Variants in KIF21B observed in about 807,000 individuals in gnomAD.
KIF21B encodes the protein kinesin-like protein KIF21B.
Under a neutral mutation model 192.9 loss-of-function variants are expected in KIF21B, and 85 were observed. The ratio of observed to expected loss-of-function variants is 0.44; its 90% CI spans 0.37 to 0.53. The LOEUF (loss-of-function observed/expected upper bound fraction) is 0.53, where lower values mean the gene tolerates loss of function less well. Ranked by LOEUF, KIF21B falls within the 20% of genes least tolerant of loss-of-function variation. KIF21B has a pLI of 0.00. For synonymous variants in KIF21B, 832 were observed against 884.6 expected (o/e 0.94, Z 1.05); for missense variants, 1,716 against 2,194.8 (o/e 0.78, Z 4.36).
rs200544550 is a variant in KIF21B at position 200,999,872 on chromosome 1, G to C, written c.1767+11C>G. 10 of 1,613,018 alleles carry C rather than the reference G, an allele frequency of 6.2e-6. No individual in the cohort carries two copies. The highest frequency in any genetic ancestry group is 4.2e-6 in the Non-Finnish European group (5 of 1,179,880). On this transcript the variant is annotated intron_variant, in intron 12 of 34. Coordinates refer to ENST00000461742, the MANE Select transcript of KIF21B (RefSeq NM_001252102.2). This position sits in a 1 kb window ranked among gnomAD's most constrained non-coding sequence, Gnocchi z 4.7. Reference sequence around the variant, plus strand: ...TGCATGTGGTGAGGTGGGGCGGCCCGTGCTCCTCACCTCCTCCGCCTCGTT... The same window carrying C: ...TGCATGTGGTGAGGTGGGGCGGCCCCTGCTCCTCACCTCCTCCGCCTCGTT...
chr1:201,022,590 T>G (rs1413100265), intron 1 of KIF21B, among the ~76,000 whole-genome samples: 1 of 152,212 alleles, frequency 6.6e-6, no homozygotes, highest in Non-Finnish European at 1.5e-5. Context: ...CCCTGTCTCA[T>G]TTCTGCCGGC....
rs372826315 is a variant in KIF21B at position 200,973,399 on chromosome 1, G to A, written c.*122C>T. The A allele has an allele frequency of 5.9e-5, 74 of 1,247,010 alleles. No homozygotes were observed. The African/African-American group carries it at 1.1e-3, about 19-fold the overall frequency. The allele number at this position is 1,247,010 out of a possible 1,614,324, so 77.2% of individuals were successfully genotyped here. A position where few individuals can be genotyped will look rare whatever the true frequency, so the allele number is the denominator to read the frequency against. On this transcript the variant is annotated 3_prime_UTR_variant, in exon 35 of 35. Coordinates refer to ENST00000461742, the MANE Select transcript of KIF21B (RefSeq NM_001252102.2). Reference sequence around the variant, plus strand: ...GGCCAAGGGAGAGGGAGGAGGGCAGGAGAGGGGGCCACGCCCTCTGTCCCC... The same window carrying A: ...GGCCAAGGGAGAGGGAGGAGGGCAGAAGAGGGGGCCACGCCCTCTGTCCCC...
chr1:201,005,630 C>A lies in KIF21B; in HGVS notation c.512G>T (p.Arg171Met). ...STRDPDTRHR[R>M]SNIKIHEDAN... is the part of the protein sequence containing the mutation. The stretch of plus-strand genomic sequence containing the variant: ...GTCCTCGTGGATCTTGATGTTGGAC[C>A]TGCGGTGGCGGGTGTCAGGGTCACG... The change falls in exon 4 of 35, where the codon AGG (arginine) becomes ATG (methionine). Residue 171 changes from arginine (R) to methionine (M), a missense_variant. Transcript: ENST00000461742. The A allele has an allele frequency of 6.2e-7, 1 of 1,614,156 alleles. No individual in the cohort carries two copies.
rs1383852529 is a variant in KIF21B, at chr1:200,973,489, G to A, written c.*32C>T. 7.8e-6 allele frequency: 11 copies of A among 1,419,216 alleles called. No individual in the cohort carries two copies. Among genetic ancestry groups the A allele is most frequent in the African/African-American group, 1.5e-5 (1 of 66,180 alleles). The allele number at this position is 1,419,216 out of a possible 1,614,324, so 87.9% of individuals were successfully genotyped here. On this transcript the variant is annotated 3_prime_UTR_variant, in exon 35 of 35. Transcript: ENST00000461742. The stretch of plus-strand genomic sequence containing the variant: ...CCATGGTGTCCAGGCTGCTGGGGTC[G>A]AGGGTCCGGGGGCATCCCTCTGACC...
chr1:200,973,846 G>T (rs936919416), intron 34 of KIF21B: 24 of 1,438,850 alleles, frequency 1.7e-5, no homozygotes, highest in African/African-American at 2.9e-5. Flanking sequence ...AGGCCTGAAG[G>T]CTCCCCCTTC....
chr1:200,983,900 C>T (rs1477064870), intron 27 of KIF21B, among the ~76,000 whole-genome samples: 2 of 152,176 alleles, frequency 1.3e-5, no homozygotes, highest in Non-Finnish European at 2.9e-5. Flanking sequence ...CAGGAAGGGG[C>T]ATTTCTGTGG....
In KIF21B at chr1:200,999,101, A is replaced by T. The variant is rs1195046927; in HGVS notation, c.1885+248T>A. Among the ~76,000 whole-genome samples the T allele has an allele frequency of 6.6e-6, 1 of 152,174 alleles. No homozygotes were observed. Reference sequence around the variant, plus strand: ...AGGGAAGCTCACCACCCCTATGCATACAGTTGCAGTGAAGACTGAAAGAAC... The same window carrying T: ...AGGGAAGCTCACCACCCCTATGCATTCAGTTGCAGTGAAGACTGAAAGAAC... On this transcript the variant is annotated intron_variant, in intron 13 of 34. Transcript: ENST00000461742. The surrounding 1 kb of genome is among the most constrained non-coding windows in gnomAD (Gnocchi z 4.7).
In KIF21B at chr1:200,999,499, C is replaced by T. The variant is rs1657322638; in HGVS notation, c.1768-33G>A. On this transcript the variant is annotated intron_variant, in intron 12 of 34. Transcript: ENST00000461742. The surrounding 1 kb of genome is among the most constrained non-coding windows in gnomAD (Gnocchi z 4.7). ...CCAGGCACCATTGGGGTGGGCCTGG[C>T]CTCAGAGAGGGGAGCCCAGAAGCAG... 2 of 1,605,882 alleles carry T rather than the reference C, an allele frequency of 1.2e-6. No individual in the cohort carries two copies. Among genetic ancestry groups the T allele is most frequent in the Non-Finnish European group, 1.7e-6 (2 of 1,175,388 alleles).
chr1:201,020,194 T>C (rs1373548398), intron 1 of KIF21B, among the ~76,000 whole-genome samples: 1 of 152,176 alleles, frequency 6.6e-6, no homozygotes, highest in Admixed American at 6.5e-5. Context: ...TCTCCCCTCA[T>C]GGTGGGGGCT....
At chr1:200,988,235 G>A (rs967817875) in intron 24 of KIF21B, 61 bp downstream of exon 24, 3 of 1,467,726 alleles carry the variant, frequency 2.0e-6, no homozygotes, top group Non-Finnish European at 2.9e-6. Flanking sequence ...AGTAAGCGGT[G>A]AACAGGCTGT....
In KIF21B at chr1:200,999,780, C is replaced by G; in HGVS notation, c.1767+103G>C. 1 of 1,168,228 alleles carries G rather than the reference C, an allele frequency of 8.6e-7. No individual in the cohort carries two copies. The highest frequency in any genetic ancestry group is 1.3e-6 in the Non-Finnish European group (1 of 786,794). 72.4% of individuals were successfully genotyped at this position (1,168,228 alleles called of 1,614,324 possible). Reference sequence around the variant, plus strand: ...AAGGATCAACTGGATGCAGACCCAACCGCCTCCTTCACTCCATACAAGGAT... The same window carrying G: ...AAGGATCAACTGGATGCAGACCCAAGCGCCTCCTTCACTCCATACAAGGAT... On this transcript the variant is annotated intron_variant, in intron 12 of 34. Coordinates refer to ENST00000461742, the MANE Select transcript of KIF21B (RefSeq NM_001252102.2). This position sits in a 1 kb window ranked among gnomAD's most constrained non-coding sequence, Gnocchi z 4.7.
At chr1:200,991,770 A>T (rs12145860) in intron 16 of KIF21B, 45 bp from the exon 17 acceptor site, 307,876 of 1,596,082 alleles carry the variant, frequency 0.19, 32,566 homozygotes, top group African/African-American at 0.41. Flanking sequence ...CAGGCACCTT[A>T]GCCCTCTCTG....
At position 200,999,529 on chromosome 1, in the gene KIF21B, G is replaced by A. The variant is rs1657324262; in HGVS notation, c.1768-63C>T. ...GAGAGGGGAGCCCAGAAGCAGAGGT[G>A]CATCCCGACACAATGCCTCAGGTGT... On this transcript the variant is annotated intron_variant, in intron 12 of 34. Transcript: ENST00000461742. The surrounding 1 kb of genome is among the most constrained non-coding windows in gnomAD (Gnocchi z 4.7). 12 of 1,582,858 alleles carry A rather than the reference G, an allele frequency of 7.6e-6. No homozygotes were observed. The South Asian group carries it at 1.2e-4, about 16-fold the overall frequency.
chr1:200,989,006 C>T lies in KIF21B; in HGVS notation c.3133-75G>A, dbSNP rs1656499403. ...TCACCCATATCACACAACCTGCACC[C>T]CTCAAGACACCTTGGAGTGCTCCTT... On this transcript the variant is annotated intron_variant, in intron 21 of 34. Transcript: ENST00000461742. 10 of 1,422,386 alleles carry T rather than the reference C, an allele frequency of 7.0e-6. 1 individual carries two copies. In the South Asian group the frequency reaches 1.1e-4, roughly 16 times the overall value. The allele number at this position is 1,422,386 out of a possible 1,614,324, so 88.1% of individuals were successfully genotyped here.
At position 200,988,898 on chromosome 1, in the gene KIF21B, G is replaced by A. The variant is rs745376488; in HGVS notation, c.3166C>T (p.Arg1056Trp). 16 of 1,612,392 alleles carry A rather than the reference G, an allele frequency of 9.9e-6. No individual in the cohort carries two copies. Among genetic ancestry groups the A allele is most frequent in the African/African-American group, 2.7e-5 (2 of 74,998 alleles). ...LQVAQKEAQIRLLEGRLRQTD... is the reference protein window; with the variant it reads ...LQVAQKEAQIWLLEGRLRQTD... ...TGCCTCAGTCGGCCCTCCAACAGCC[G>A]GATCTGGGCTTCCTTTTGTGCCACT... Residue 1056 changes from arginine (R) to tryptophan (W), a missense_variant, in exon 22 of 35, where the codon CGG becomes TGG. This residue lies in a region of KIF21B where 580 missense variants were observed against 775.5 expected (regional missense o/e 0.75). Coordinates refer to ENST00000461742, the MANE Select transcript of KIF21B (RefSeq NM_001252102.2).
intron 26 of KIF21B, among the ~76,000 whole-genome samples, chr1:200,986,375 T>G (rs1656304065): frequency 6.6e-6 from 1 of 151,360 alleles, no homozygotes; most frequent in African/African-American, 2.4e-5. Context: ...TTTTTTTTTT[T>G]GAGACAGAGT....
Position 200,975,789 on chromosome 1 carries a change from C to A in KIF21B, c.4444-120G>T. 1 of 1,011,098 alleles carries A rather than the reference C, an allele frequency of 9.9e-7. No homozygotes were observed. The highest frequency in any genetic ancestry group is 1.7e-5 in the South Asian group (1 of 57,170). 62.6% of individuals were successfully genotyped at this position (1,011,098 alleles called of 1,614,324 possible). A position where few individuals can be genotyped will look rare whatever the true frequency, so the allele number is the denominator to read the frequency against. On this transcript the variant is annotated intron_variant, in intron 32 of 34. Transcript: ENST00000461742. The surrounding 1 kb of genome is among the most constrained non-coding windows in gnomAD (Gnocchi z 4.3). ...TCTGGCTAGGGTGACAGCCACTGCC[C>A]TCTGGGGAGAGGAGCTTCCCAGCAG...
chr1:200,991,687 C>T lies in KIF21B; in HGVS notation c.2424G>A (p.Gln808=). The T allele has an allele frequency of 6.2e-7, 1 of 1,614,176 alleles. No homozygotes were observed. Among genetic ancestry groups the T allele is most frequent in the Non-Finnish European group, 8.5e-7 (1 of 1,180,044 alleles). ...GGGTCTTCCTCCTCAGGACCATCTC[C>T]TGCTGCCGCTTCTGGGACTCCAGAG... is the stretch of plus-strand genomic sequence containing the variant. ...IRALESQKRQ[Q]EMVLRRKTQE... The change falls in exon 17 of 35, where the codon CAG becomes CAA. Residue 808 remains glutamine (Q), a synonymous_variant. Coordinates refer to ENST00000461742, the MANE Select transcript of KIF21B (RefSeq NM_001252102.2).
chr1:201,001,371 T>C (rs1386445964), intron 9 of KIF21B: 1 of 152,776 alleles, frequency 6.5e-6, no homozygotes, highest in Admixed American at 6.5e-5. Flanking sequence ...TGGCAGAAGA[T>C]GAAGAGAAGT....
Sources: allele counts gnomAD v4.1 joint callset (sites outside exome capture counted in the v4.1 genomes callset), GRCh38; gene constraint gnomAD v4.1.1; regional missense constraint gnomAD v4.1.1; non-coding constraint Gnocchi (gnomAD v3.1); transcripts MANE v1.5; gene names NCBI Gene and HGNC (gene_info 2026-07-23, HGNC 2026-07-21).